Variants in YY1 observed in about 807,000 individuals in gnomAD.
The protein encoded by YY1 is transcriptional repressor protein YY1.
In YY1, 2 loss-of-function variants were observed where a neutral mutation model predicts 35.6. That is an observed-to-expected ratio of 0.06 (90% CI 0.02 to 0.18). YY1 has a LOEUF of 0.18. Among genes scored for constraint, YY1 ranks in the 10% least tolerant of loss-of-function variants. YY1 has a pLI of 1.00. For missense variants in YY1, 322 were observed against 573.4 expected (o/e 0.56, Z 4.48); for synonymous variants, 268 against 238.9 (o/e 1.12, Z -1.12).
intron 1 of YY1, among the ~76,000 whole-genome samples, chr14:100,261,740 G>C (rs1244366642): frequency 6.6e-6 from 1 of 152,228 alleles, no homozygotes; most frequent in African/African-American, 2.4e-5. Flanking sequence ...AGTGAAGAGG[G>C]AGGAGGCTGG....
At position 100,239,178 on chromosome 14, in the gene YY1, T is replaced by G. The variant is rs1595309270; in HGVS notation, c.-67T>G. The G allele has an allele frequency of 5.7e-6, 7 of 1,231,086 alleles. No homozygotes were observed. The highest frequency in any genetic ancestry group is 1.0e-4 in the Admixed American group (2 of 19,512). 76.3% of individuals were successfully genotyped at this position (1,231,086 alleles called of 1,614,324 possible). A position where few individuals can be genotyped will look rare whatever the true frequency, so the allele number is the denominator to read the frequency against. On this transcript the variant is annotated 5_prime_UTR_variant, in exon 1 of 5. Transcript: ENST00000262238. Reference sequence around the variant, plus strand: ...CCTTCCTTCCCCACGGCCGGCCGCCTCCTCGCCCGCCCGCCCGCAGCCGAG... The same window carrying G: ...CCTTCCTTCCCCACGGCCGGCCGCCGCCTCGCCCGCCCGCCCGCAGCCGAG...
intron 1 of YY1, among the ~76,000 whole-genome samples, chr14:100,241,514 C>T (rs75187700): frequency 6.6e-6 from 1 of 152,082 alleles, no homozygotes; most frequent in Non-Finnish European, 1.5e-5. Context: ...TGCTAACAGG[C>T]GCTGTCCTGC....
chr14:100,266,854 A>G (rs528846226), intron 2 of YY1, among the ~76,000 whole-genome samples: 2 of 152,308 alleles, frequency 1.3e-5, no homozygotes, highest in African/African-American at 4.8e-5. Flanking sequence ...AGAGATGACA[A>G]TTTTAGAGAC....
intron 2 of YY1, chr14:100,264,051 G>T (rs1891120658): frequency 6.6e-6 from 1 of 150,456 alleles, no homozygotes; most frequent in African/African-American, 2.5e-5. Context: ...TTTTTGTAGA[G>T]ATGGAGTCTC....
chr14:100,261,449 A>AG (rs1178652255), intron 1 of YY1, among the ~76,000 whole-genome samples: 4 of 152,184 alleles, frequency 2.6e-5, no homozygotes, highest in African/African-American at 9.7e-5. Flanking sequence ...TCGGCCTTCC[A>AG]AAGTGCTGGG....
At position 100,239,332 on chromosome 14, in the gene YY1, A is replaced by C; in HGVS notation, c.88A>C (p.Thr30Pro). The C allele has an allele frequency of 6.2e-7, 1 of 1,604,418 alleles. No homozygotes were observed. Among genetic ancestry groups the C allele is most frequent in the Non-Finnish European group, 8.5e-7 (1 of 1,176,380 alleles). ...GGAGCTGCACGAGATCGAGGTGGAG[A>C]CCATCCCGGTGGAGACCATCGAGAC... ...IVELHEIEVE[T>P]IPVETIETTV... Residue 30 changes from threonine (T) to proline (P), a missense_variant, in exon 1 of 5, where the codon ACC becomes CCC. Thr to Pro is a conservative substitution (Grantham distance 38). Transcript: ENST00000262238.
Position 100,276,852 on chromosome 14 carries a change from GGT to G in YY1, c.1062+205_1062+206del. On this transcript the variant is annotated intron_variant, in intron 4 of 4. Coordinates refer to ENST00000262238, the MANE Select transcript of YY1 (RefSeq NM_003403.5). This position sits in a 1 kb window ranked among gnomAD's most constrained non-coding sequence, Gnocchi z 4.1. ...TCCTTGTCTATACTCTGTGGTACTGGGTACGCAATGTATTGGTGTTGATGGAG... is the reference window on the plus strand; with the variant it reads ...TCCTTGTCTATACTCTGTGGTACTGGACGCAATGTATTGGTGTTGATGGAG... 1.5e-6 allele frequency: 1 copy of G among 649,884 alleles called. No individual in the cohort carries two copies. The highest frequency in any genetic ancestry group is 2.6e-6 in the Non-Finnish European group (1 of 378,722). 40.3% of individuals were successfully genotyped at this position (649,884 alleles called of 1,614,324 possible).
At chr14:100,242,503 C>T (rs1890765576) in intron 1 of YY1, among the ~76,000 whole-genome samples, 1 of 150,270 alleles carries the variant, frequency 6.7e-6, no homozygotes, top group South Asian at 2.1e-4. Context: ...ATTCTCCTGC[C>T]TCACCCTCCC....
At chr14:100,251,116 G>C (rs1351339902) in intron 1 of YY1, among the ~76,000 whole-genome samples, 5 of 152,194 alleles carry the variant, frequency 3.3e-5, no homozygotes, top group Non-Finnish European at 7.3e-5. Flanking sequence ...CTAATTCTTG[G>C]AACCTGTGGG....
At chr14:100,243,678 C>A (rs1042270940) in intron 1 of YY1, among the ~76,000 whole-genome samples, 5 of 152,000 alleles carry the variant, frequency 3.3e-5, no homozygotes, top group African/African-American at 1.2e-4. Context: ...GTAGCACATG[C>A]CTGTAGTCAC....
At chr14:100,266,507 C>G (rs1891159133) in intron 2 of YY1, among the ~76,000 whole-genome samples, 1 of 152,088 alleles carries the variant, frequency 6.6e-6, no homozygotes, top group Non-Finnish European at 1.5e-5. Context: ...AGCAGCTGAT[C>G]TAAAAGTTTG....
At chr14:100,241,986 G>GGC (rs1890752143) in intron 1 of YY1, among the ~76,000 whole-genome samples, 1 of 149,518 alleles carries the variant, frequency 6.7e-6, no homozygotes, top group Non-Finnish European at 1.5e-5. Context: ...AAAGGGGGGG[G>GGC]GGGGCATTTT....
Position 100,258,340 on chromosome 14 carries a change from G to A in YY1, c.680-3964G>A, listed in dbSNP as rs186030292. Reference sequence around the variant, plus strand: ...TTGAGTCCTGGGTTTGTGTCTTAGGGTCAGTAACCATATTTCCTGTCTCTT... The same window carrying A: ...TTGAGTCCTGGGTTTGTGTCTTAGGATCAGTAACCATATTTCCTGTCTCTT... On this transcript the variant is annotated intron_variant, in intron 1 of 4. Transcript: ENST00000262238. 3.3e-5 allele frequency among the ~76,000 whole-genome samples: 5 copies of A among 152,158 alleles called. No individual in the cohort carries two copies. The East Asian group carries it at 9.7e-4, about 29-fold the overall frequency.
chr14:100,274,260 C>T (rs906685773), intron 2 of YY1, among the ~76,000 whole-genome samples: 3 of 152,236 alleles, frequency 2.0e-5, no homozygotes, highest in South Asian at 2.1e-4. Flanking sequence ...CTGTGTTCAC[C>T]GCTTCTTTTT....
intron 2 of YY1, among the ~76,000 whole-genome samples, chr14:100,273,803 C>T (rs1033694909): frequency 6.6e-6 from 1 of 152,118 alleles, no homozygotes; most frequent in African/African-American, 2.4e-5. Flanking sequence ...CACCCCCCTA[C>T]CACACACAGA....
chr14:100,240,028 A>C, intron 1 of YY1, 105 bp downstream of exon 1: 2 of 1,041,798 alleles, frequency 1.9e-6, no homozygotes, highest in Non-Finnish European at 2.5e-6. Context: ...CAGGGCAAGT[A>C]TGGCGGCCCC....
chr14:100,245,752 G>A (rs1261513790), intron 1 of YY1, among the ~76,000 whole-genome samples: 1 of 151,892 alleles, frequency 6.6e-6, no homozygotes, highest in African/African-American at 2.4e-5. Flanking sequence ...GATTACAGAC[G>A]TGTGCCACCA....
At chr14:100,273,952 A>G (rs1409354658) in intron 2 of YY1, among the ~76,000 whole-genome samples, 1 of 152,112 alleles carries the variant, frequency 6.6e-6, no homozygotes, top group East Asian at 1.9e-4. Context: ...CGGTTACCAC[A>G]TTACCAGGAC....
chr14:100,246,983 A>G (rs1009830798), intron 1 of YY1, among the ~76,000 whole-genome samples: 2 of 152,166 alleles, frequency 1.3e-5, no homozygotes, highest in African/African-American at 4.8e-5. Flanking sequence ...CCAGGTTATT[A>G]ACCTTGCCTT....
Sources: allele counts gnomAD v4.1 joint callset (sites outside exome capture counted in the v4.1 genomes callset), GRCh38; gene constraint gnomAD v4.1.1; non-coding constraint Gnocchi (gnomAD v3.1); transcripts MANE v1.5; gene names NCBI Gene and HGNC (gene_info 2026-07-23, HGNC 2026-07-21).